DST: variants seen among roughly 807,000 people sequenced by gnomAD.
The protein encoded by DST is bullous pemphigoid antigen.
A neutral mutation model predicts 875.2 loss-of-function variants in DST; 253 were observed. The observed-to-expected ratio is 0.29, with a 90% CI of 0.26 to 0.32. The LOEUF is 0.32. Ranked by LOEUF, DST falls within the 10% of genes least tolerant of loss-of-function variation. The probability of loss-of-function intolerance (pLI) is 1.00; values close to 1 mark genes in which losing one functional copy is unlikely to be tolerated. For missense variants in DST, 8,287 were observed against 9,111.6 expected (o/e 0.91, Z 3.68); for synonymous variants, 3,124 against 3,197.1 (o/e 0.98, Z 0.77).
chr6:56,942,988 T>C (rs994599406), intron 2 of DST, among the ~76,000 whole-genome samples: 2 of 152,202 alleles, frequency 1.3e-5, no homozygotes, highest in Non-Finnish European at 2.9e-5. Flanking sequence ...CCCAAAGTGC[T>C]GGGATTACAG....
chr6:56,486,290 G>A (rs1004000523), intron 87 of DST, among the ~76,000 whole-genome samples: 41 of 148,526 alleles, frequency 2.8e-4, no homozygotes, highest in African/African-American at 9.7e-4. Flanking sequence ...GTGAACCCGG[G>A]AGGCAGAGCT....
chr6:56,625,972 T>TA (rs76788667), intron 34 of DST, among the ~76,000 whole-genome samples: 1,150 of 74,934 alleles, frequency 0.015, 8 homozygotes, highest in Admixed American at 0.03. Context: ...GTTTAAAAAG[T>TA]AAAAAAAAAA....
At chr6:56,479,591 C>T (rs1337339445) in intron 90 of DST, among the ~76,000 whole-genome samples, 1 of 152,070 alleles carries the variant, frequency 6.6e-6, no homozygotes, top group African/African-American at 2.4e-5. Context: ...GAATACTATG[C>T]AGCCATAAAA....
At chr6:56,775,603 C>A (rs1267860270) in intron 4 of DST, among the ~76,000 whole-genome samples, 9 of 151,976 alleles carry the variant, frequency 5.9e-5, no homozygotes, top group Admixed American at 3.9e-4. Context: ...GATTTCAGGG[C>A]TAGGGCAGGA....
chr6:56,635,852 C>T, intron 23 of DST, 138 bp from the exon 24 acceptor site: 1 of 868,494 alleles, frequency 1.2e-6, no homozygotes, highest in Non-Finnish European at 1.9e-6. Flanking sequence ...GCTTAATAGT[C>T]ACATCTTTCC....
At chr6:56,820,141 G>A (rs776876082) in intron 4 of DST, among the ~76,000 whole-genome samples, 5 of 152,166 alleles carry the variant, frequency 3.3e-5, no homozygotes, top group South Asian at 2.1e-4. Context: ...TTTTCAAACC[G>A]TAACTTCAGG....
chr6:56,869,293 G>A (rs956023760), intron 3 of DST, among the ~76,000 whole-genome samples: 1 of 152,174 alleles, frequency 6.6e-6, no homozygotes, highest in African/African-American at 2.4e-5. Context: ...AATCAGCAAA[G>A]GGGCAGGAAA....
intron 5 of DST, among the ~76,000 whole-genome samples, chr6:56,706,846 C>A (rs562882341): frequency 6.6e-6 from 1 of 151,292 alleles, no homozygotes; most frequent in Admixed American, 6.6e-5. Flanking sequence ...CTAAAAATAA[C>A]AAAAAAAAAT....
intron 2 of DST, among the ~76,000 whole-genome samples, chr6:56,923,225 T>A: frequency 6.6e-6 from 1 of 152,130 alleles, no homozygotes; most frequent in East Asian, 1.9e-4. Context: ...TCCCTTAAAT[T>A]TTTAAAATTC....
chr6:56,903,098 C>G (rs76889735), intron 2 of DST, among the ~76,000 whole-genome samples: 1 of 152,060 alleles, frequency 6.6e-6, no homozygotes, highest in African/African-American at 2.4e-5. Context: ...CATTCTAATT[C>G]AGAAATTTGG....
intron 4 of DST, among the ~76,000 whole-genome samples, chr6:56,842,724 T>G (rs1001174640): frequency 6.6e-6 from 1 of 152,110 alleles, no homozygotes; most frequent in African/African-American, 2.4e-5. Context: ...TAGAGAATAA[T>G]CGGTATCCAC....
intron 4 of DST, among the ~76,000 whole-genome samples, chr6:56,796,870 A>G (rs2099740461): frequency 6.6e-6 from 1 of 152,212 alleles, no homozygotes; most frequent in African/African-American, 2.4e-5. Context: ...AACAGGAATT[A>G]AGAGCAAATG....
intron 55 of DST, among the ~76,000 whole-genome samples, chr6:56,562,549 A>T (rs2097553939): frequency 6.6e-6 from 1 of 151,528 alleles, no homozygotes; most frequent in South Asian, 2.1e-4. Context: ...ATTTTAGAGC[A>T]GTAAGTGGAG....
chr6:56,477,236 G>C, intron 91 of DST, 109 bp downstream of exon 91: 1 of 1,185,614 alleles, frequency 8.4e-7, no homozygotes. Flanking sequence ...TTTCTATGTA[G>C]AGGTCTCATT....
intron 61 of DST, among the ~76,000 whole-genome samples, chr6:56,545,782 A>C (rs2097211076): frequency 6.6e-6 from 1 of 152,186 alleles, no homozygotes; most frequent in Non-Finnish European, 1.5e-5. Context: ...ATGTAAGTAA[A>C]CGCACTATTA....
intron 4 of DST, among the ~76,000 whole-genome samples, chr6:56,768,050 G>T (rs1023253988): frequency 6.6e-6 from 1 of 152,112 alleles, no homozygotes; most frequent in Non-Finnish European, 1.5e-5. Context: ...AAGCCATTTC[G>T]AAGACCTTCA....
chr6:56,542,614 C>A (rs1032226718), intron 61 of DST: 1 of 152,238 alleles, frequency 6.6e-6, no homozygotes, highest in African/African-American at 2.4e-5. Flanking sequence ...TGAAACTGAA[C>A]CAAGTTCTGT....
At chr6:56,470,020 AC>A (rs2094803945) in intron 96 of DST, 63 bp from the exon 97 acceptor site, 14 of 1,604,312 alleles carry the variant, frequency 8.7e-6, no homozygotes, top group Non-Finnish European at 1.1e-5. Flanking sequence ...AATCCTTAAA[AC>A]TTTGACACAA....
intron 49 of DST, among the ~76,000 whole-genome samples, chr6:56,583,340 T>C (rs1271155387): frequency 3.3e-5 from 5 of 152,244 alleles, no homozygotes; most frequent in Non-Finnish European, 5.9e-5. Context: ...ATTTCTCTGA[T>C]GGCCAGTGAT....
Sources: gnomAD v4.1 joint callset for allele counts (sites outside exome capture counted in the v4.1 genomes callset) on GRCh38, gnomAD v4.1.1 for gene constraint, MANE v1.5 for transcripts, NCBI Gene and HGNC (gene_info 2026-07-23, HGNC 2026-07-21) for gene names.